The following USP45 variants were observed in gnomAD, a reference collection of about 807,000 sequenced individuals.
The protein encoded by USP45 is ubiquitin specific peptidase 45.
In USP45, 89 loss-of-function variants were observed where a neutral mutation model predicts 95.8. That is an observed-to-expected ratio of 0.93 (90% confidence interval 0.78 to 1.11). The LOEUF (loss-of-function observed/expected upper bound fraction) is 1.11, where lower values mean the gene tolerates loss of function less well. Among genes scored for constraint, USP45 ranks in the 50% least tolerant of loss-of-function variants. USP45 has a pLI of 0.00. For synonymous variants in USP45, 281 were observed against 316.2 expected, an observed-to-expected ratio of 0.89 and a Z score of 1.18; for missense variants, 898 against 942.5, an observed-to-expected ratio of 0.95 and a Z score of 0.62.
At chr6:99,506,356 T>C (rs1798521543) in intron 4 of USP45, among the ~76,000 whole-genome samples, 2 of 152,214 alleles carry the variant, frequency 1.3e-5, no homozygotes, top group Admixed American at 1.3e-4. Context: ...AAACGGAGTG[T>C]CACTCTATCA....
intron 8 of USP45, among the ~76,000 whole-genome samples, chr6:99,481,553 C>G (rs1792426507): frequency 6.6e-6 from 1 of 152,104 alleles, no homozygotes; most frequent in Admixed American, 6.5e-5. Context: ...GGTACATGTG[C>G]AGGTTTGTTA....
Position 99,483,844 on chromosome 6 carries a change from C to CA in USP45, c.715-962dup, listed in dbSNP as rs71276584. Among the ~76,000 whole-genome samples the CA allele has an allele frequency of 5.8e-3, 506 of 86,536 alleles. 29 individuals are homozygous for CA. The highest frequency in any genetic ancestry group is 0.013 in the African/African-American group (273 of 21,406). 56.8% of individuals were successfully genotyped at this position (86,536 alleles called of 152,430 possible). On this transcript the variant is annotated intron_variant, in intron 7 of 17. Transcript: ENST00000500704. The stretch of plus-strand genomic sequence containing the variant: ...TGGGCGACAGAGCGAGACTCCGTCT[C>CA]AAAAAAAAAAAAAAAAAAAGAATGT...
chr6:99,451,307 CCTT>C (rs1320678830), intron 13 of USP45, among the ~76,000 whole-genome samples: 2 of 152,222 alleles, frequency 1.3e-5, no homozygotes, highest in Non-Finnish European at 2.9e-5. Context: ...CCCAAAATCT[CCTT>C]AAGCTGATAA....
chr6:99,473,777 A>ACACACACACACACACACACAC (rs139068072), intron 9 of USP45, among the ~76,000 whole-genome samples: 1 of 127,746 alleles, frequency 7.8e-6, no homozygotes, highest in African/African-American at 3.1e-5. Context: ...AAAAAAACAA[A>ACACACACACACACACACACAC]ACACACACAC....
At chr6:99,451,893 G>C (rs1783941124) in intron 13 of USP45, among the ~76,000 whole-genome samples, 1 of 152,130 alleles carries the variant, frequency 6.6e-6, no homozygotes, top group South Asian at 2.1e-4. Context: ...ACAACCATCT[G>C]ATCTTTGACA....
At chr6:99,472,629 C>G (rs989671742) in intron 9 of USP45, among the ~76,000 whole-genome samples, 1 of 152,114 alleles carries the variant, frequency 6.6e-6, no homozygotes, top group Non-Finnish European at 1.5e-5. Flanking sequence ...CTGAATTAAT[C>G]TTAAAGTAAC....
chr6:99,461,881 T>A (rs1462669222), intron 13 of USP45: 13 of 984,520 alleles, frequency 1.3e-5, no homozygotes, highest in Non-Finnish European at 4.8e-6. Context: ...ACTTTATTGA[T>A]CTTTATAAAA....
At chr6:99,457,714 G>A (rs1249937799) in intron 13 of USP45, among the ~76,000 whole-genome samples, 1 of 152,050 alleles carries the variant, frequency 6.6e-6, no homozygotes, top group Non-Finnish European at 1.5e-5. Context: ...CCAAATTCAG[G>A]TGATTATCAG....
chr6:99,504,171 C>T (rs954593636), intron 4 of USP45, among the ~76,000 whole-genome samples: 13 of 152,314 alleles, frequency 8.5e-5, no homozygotes, highest in African/African-American at 3.1e-4. Context: ...GACAGAGTCT[C>T]GCTCTGTTTC....
chr6:99,485,264 G>A (rs1793600967), intron 7 of USP45, among the ~76,000 whole-genome samples: 1 of 151,786 alleles, frequency 6.6e-6, no homozygotes, highest in African/African-American at 2.4e-5. Flanking sequence ...AGAACTGCTT[G>A]AACCTACGAG....
intron 14 of USP45, 76 bp from the exon 15 acceptor site, chr6:99,443,738 G>A: frequency 2.1e-6 from 2 of 935,404 alleles, no homozygotes; most frequent in Non-Finnish European, 3.1e-6. Context: ...AATTTATACA[G>A]AAGTATCATA....
chr6:99,512,765 T>C (rs1035601781), intron 1 of USP45, among the ~76,000 whole-genome samples: 17 of 152,190 alleles, frequency 1.1e-4, no homozygotes, highest in African/African-American at 4.1e-4. Context: ...TAGGAACATG[T>C]AAAAAGCCTC....
intron 1 of USP45, chr6:99,514,851 C>T (rs1184418358): frequency 1.3e-5 from 2 of 152,206 alleles, no homozygotes; most frequent in Non-Finnish European, 2.9e-5. Flanking sequence ...CCCTCACAAC[C>T]ACCTTAGGAG....
At chr6:99,506,137 A>G (rs1351824013) in intron 4 of USP45, among the ~76,000 whole-genome samples, 2 of 152,170 alleles carry the variant, frequency 1.3e-5, no homozygotes, top group African/African-American at 4.8e-5. Flanking sequence ...CCTTATATTA[A>G]TTTTAGACAA....
Position 99,435,935 on chromosome 6 carries a change from CTCTA to C in USP45, c.2315-93_2315-90del, listed in dbSNP as rs1780381313. On this transcript the variant is annotated intron_variant, in intron 17 of 17. Coordinates refer to ENST00000500704, the MANE Select transcript of USP45 (RefSeq NM_001346022.3). ...CAAACAATAACATATTCATTACAAACTCTATCTAATGCCAAATTTTACCTGAGAA... is the reference window on the plus strand; with the variant it reads ...CAAACAATAACATATTCATTACAAACTCTAATGCCAAATTTTACCTGAGAA... 7 of 1,338,150 alleles carry C rather than the reference CTCTA, an allele frequency of 5.2e-6. No individual in the cohort carries two copies. In the South Asian group the frequency reaches 8.7e-5, roughly 17 times the overall value. 82.9% of individuals were successfully genotyped at this position (1,338,150 alleles called of 1,614,324 possible).
chr6:99,464,514 T>C (rs949020136), intron 13 of USP45, 90 bp downstream of exon 13: 2 of 1,406,142 alleles, frequency 1.4e-6, no homozygotes, highest in Non-Finnish European at 1.9e-6. Context: ...GAGAGTTTAT[T>C]ACACTATGTT....
intron 8 of USP45, among the ~76,000 whole-genome samples, chr6:99,481,594 G>T (rs1296253798): frequency 6.6e-6 from 1 of 152,108 alleles, no homozygotes; most frequent in Non-Finnish European, 1.5e-5. Context: ...CAAAGGTCCG[G>T]AGTACGAATG....
At chr6:99,488,964 A>G (rs1208027061) in intron 5 of USP45, 144 bp from the exon 6 acceptor site, 1 of 622,064 alleles carries the variant, frequency 1.6e-6, no homozygotes, top group Non-Finnish European at 2.4e-6. Context: ...ATATAAACAC[A>G]ACTATCTTTG....
chr6:99,495,120 T>A (rs149664209), intron 5 of USP45, among the ~76,000 whole-genome samples: 1 of 152,222 alleles, frequency 6.6e-6, no homozygotes, highest in Non-Finnish European at 1.5e-5. Flanking sequence ...TATGGAATTA[T>A]GGGCACTATT....
Sources: gnomAD v4.1 joint callset for allele counts (sites outside exome capture counted in the v4.1 genomes callset) on GRCh38, gnomAD v4.1.1 for gene constraint, MANE v1.5 for transcripts, NCBI Gene and HGNC (gene_info 2026-07-23, HGNC 2026-07-21) for gene names.